The following ADARB2 variants were observed in gnomAD, a reference collection of about 807,000 sequenced individuals.
ADARB2 encodes inactive double-stranded RNA-specific editase B2.
Under a neutral mutation model 62.2 loss-of-function variants are expected in ADARB2, and 25 were observed. The observed-to-expected ratio is 0.40, with a 90% CI of 0.29 to 0.56. The LOEUF is 0.56. Among genes scored for constraint, ADARB2 ranks in the 20% least tolerant of loss-of-function variants. The pLI is 0.43. For synonymous variants in ADARB2, 572 were observed against 500.8 expected, an observed-to-expected ratio of 1.14 and a Z score of -1.90; for missense variants, 1,071 against 1,077.4, an observed-to-expected ratio of 0.99 and a Z score of 0.08.
At chr10:1,304,533 C>T (rs1831607673) in intron 3 of ADARB2, among the ~76,000 whole-genome samples, 1 of 152,214 alleles carries the variant, frequency 6.6e-6, no homozygotes, top group Admixed American at 6.5e-5. Context: ...ACCTAATAGA[C>T]ATCTACAGAA....
chr10:1,533,642 A>G (rs934692417), intron 1 of ADARB2, among the ~76,000 whole-genome samples: 9 of 152,194 alleles, frequency 5.9e-5, no homozygotes, highest in African/African-American at 2.2e-4. Context: ...CCTTGGGAAT[A>G]CCAGGATGAG....
At chr10:1,264,228 G>A (rs1831171537) in intron 4 of ADARB2, among the ~76,000 whole-genome samples, 1 of 152,054 alleles carries the variant, frequency 6.6e-6, no homozygotes, top group East Asian at 1.9e-4. Flanking sequence ...AGGGATTTTT[G>A]TCCAGTTCAT....
Position 1,687,374 on chromosome 10 carries a change from TAAGTA to T in ADARB2, c.100+49672_100+49676del, listed in dbSNP as rs200930711. 7.3e-3 allele frequency among the ~76,000 whole-genome samples: 1,114 copies of T among 152,278 alleles called. 13 individuals carry two copies. The highest frequency in any genetic ancestry group is 0.025 in the African/African-American group (1,018 of 41,532). The stretch of plus-strand genomic sequence containing the variant: ...CCAGAGGTGGCTTCTCCTCCCTGCC[TAAGTA>T]AAGGAAGAGTTTCCTGAATTGTGAG... On this transcript the variant is annotated intron_variant, in intron 1 of 9. Coordinates refer to ENST00000381312, the MANE Select transcript of ADARB2 (RefSeq NM_018702.4).
chr10:1,417,154 C>T (rs1011127633), intron 1 of ADARB2, among the ~76,000 whole-genome samples: 1 of 150,948 alleles, frequency 6.6e-6, no homozygotes, highest in Non-Finnish European at 1.5e-5. Context: ...ACCAGATGGC[C>T]AGGAAGTGTT....
intron 1 of ADARB2, among the ~76,000 whole-genome samples, chr10:1,475,828 G>A (rs1167826359): frequency 6.6e-6 from 1 of 152,114 alleles, no homozygotes; most frequent in African/African-American, 2.4e-5. Context: ...AGGATGCAAA[G>A]GCCACCGGCA....
At chr10:1,558,981 C>T (rs1024945818) in intron 1 of ADARB2, among the ~76,000 whole-genome samples, 8 of 152,226 alleles carry the variant, frequency 5.3e-5, no homozygotes, top group Non-Finnish European at 1.0e-4. Flanking sequence ...GGCACATGTA[C>T]ATCTGGTGTC....
chr10:1,732,820 T>A (rs1835250832), intron 1 of ADARB2, among the ~76,000 whole-genome samples: 1 of 152,264 alleles, frequency 6.6e-6, no homozygotes, highest in Admixed American at 6.5e-5. Context: ...TTCATGGATT[T>A]TCATTTCACA....
chr10:1,264,123 C>T (rs1380080975), intron 4 of ADARB2, among the ~76,000 whole-genome samples: 1 of 152,154 alleles, frequency 6.6e-6, no homozygotes, highest in African/African-American at 2.4e-5. Context: ...ATCAGCTTCA[C>T]ATTTCTCGGT....
intron 1 of ADARB2, among the ~76,000 whole-genome samples, chr10:1,383,196 A>G (rs553652263): frequency 2.6e-5 from 4 of 152,192 alleles, no homozygotes; most frequent in African/African-American, 7.2e-5. Flanking sequence ...TGCAGCCATG[A>G]AGTGCAGTTG....
intron 1 of ADARB2, among the ~76,000 whole-genome samples, chr10:1,656,576 C>T (rs1298492230): frequency 1.3e-5 from 2 of 151,906 alleles, no homozygotes; most frequent in Non-Finnish European, 2.9e-5. Context: ...AACTCTATTC[C>T]TCTAGTGCGT....
chr10:1,579,439 T>G (rs1375603027), intron 1 of ADARB2, among the ~76,000 whole-genome samples: 4 of 152,182 alleles, frequency 2.6e-5, no homozygotes, highest in Non-Finnish European at 5.9e-5. Flanking sequence ...TTGGTCGGAA[T>G]CAAGAGAATT....
intron 1 of ADARB2, among the ~76,000 whole-genome samples, chr10:1,505,053 C>T (rs1172233884): frequency 1.3e-5 from 2 of 151,794 alleles, no homozygotes; most frequent in Admixed American, 1.3e-4. Context: ...GACACACAGA[C>T]ACATGCATAC....
At chr10:1,194,428 C>T (rs1426681364) in intron 8 of ADARB2, among the ~76,000 whole-genome samples, 3 of 152,232 alleles carry the variant, frequency 2.0e-5, no homozygotes, top group Non-Finnish European at 4.4e-5. Flanking sequence ...ACTTGCCAGC[C>T]TACACGATTG....
At position 1,519,113 on chromosome 10, in the gene ADARB2, G is replaced by A. The variant is rs112927963; in HGVS notation, c.101-139953C>T. 6.3e-3 allele frequency among the ~76,000 whole-genome samples: 956 copies of A among 151,042 alleles called. 11 individuals carry two copies. Among genetic ancestry groups the A allele is most frequent in the African/African-American group, 0.022 (885 of 41,032 alleles). ...ACGTCTGTACACGGTGTGGTCATAC[G>A]CATTCATTCCGTGTAATGTCTGCAT... is the stretch of plus-strand genomic sequence containing the variant. On this transcript the variant is annotated intron_variant, in intron 1 of 9. Transcript: ENST00000381312.
chr10:1,557,087 G>A, intron 1 of ADARB2: 1 of 347,558 alleles, frequency 2.9e-6, no homozygotes, highest in Non-Finnish European at 5.7e-6. Context: ...CTGTCCGAGG[G>A]TACCTCTTTC....
intron 2 of ADARB2, among the ~76,000 whole-genome samples, chr10:1,368,920 T>C (rs1271836868): frequency 2.0e-5 from 3 of 151,696 alleles, no homozygotes; most frequent in African/African-American, 7.3e-5. Flanking sequence ...GCTTGCCCTG[T>C]GGTCCTGTGG....
At chr10:1,684,820 C>T (rs955662746) in intron 1 of ADARB2, among the ~76,000 whole-genome samples, 2 of 152,132 alleles carry the variant, frequency 1.3e-5, no homozygotes, top group African/African-American at 4.8e-5. Flanking sequence ...CAGAGCAAAC[C>T]CAGAAGCTCA....
chr10:1,671,285 T>A (rs1834382116), intron 1 of ADARB2, among the ~76,000 whole-genome samples: 1 of 152,150 alleles, frequency 6.6e-6, no homozygotes, highest in Non-Finnish European at 1.5e-5. Flanking sequence ...CCTCAGAACT[T>A]TCTATTCATT....
chr10:1,186,702 G>C, intron 8 of ADARB2: 1 of 414,066 alleles, frequency 2.4e-6, no homozygotes, highest in South Asian at 1.7e-5. Context: ...AGAACTTGGC[G>C]TCTTGGCCAG....
Sources: gnomAD v4.1 joint callset for allele counts (sites outside exome capture counted in the v4.1 genomes callset) on GRCh38, gnomAD v4.1.1 for gene constraint, MANE v1.5 for transcripts, NCBI Gene and HGNC (gene_info 2026-07-23, HGNC 2026-07-21) for gene names.